Variants in APBB1IP observed in about 807,000 individuals in gnomAD.
APBB1IP encodes amyloid beta precursor protein binding family B member 1 interacting protein.
Under a neutral mutation model 64.9 loss-of-function variants are expected in APBB1IP, and 27 were observed. That is an observed-to-expected ratio of 0.42 (90% CI 0.31 to 0.57). The LOEUF (loss-of-function observed/expected upper bound fraction) is 0.57, where lower values mean the gene tolerates loss of function less well. Among genes scored for constraint, APBB1IP ranks in the 20% least tolerant of loss-of-function variants. The pLI is 0.20. For synonymous variants in APBB1IP, 392 were observed against 331.0 expected, an observed-to-expected ratio of 1.18 and a Z score of -2.00; for missense variants, 812 against 845.5, an observed-to-expected ratio of 0.96 and a Z score of 0.49.
intron 12 of APBB1IP, 57 bp downstream of exon 12, chr10:26,560,260 T>G (rs1422354032): frequency 3.4e-6 from 5 of 1,486,408 alleles, no homozygotes; most frequent in Non-Finnish European, 3.8e-6. Flanking sequence ...CTTCCTGACC[T>G]GGGCACAGCC....
intron 8 of APBB1IP, among the ~76,000 whole-genome samples, chr10:26,518,147 G>A (rs1368953150): frequency 6.6e-6 from 1 of 152,008 alleles, no homozygotes; most frequent in African/African-American, 2.4e-5. Context: ...TACAGGCAGG[G>A]TTTCACCATG....
Position 26,511,924 on chromosome 10 carries a change from C to T in APBB1IP, c.691+18C>T, listed in dbSNP as rs1836266051. 1 of 1,613,444 alleles carries T rather than the reference C, an allele frequency of 6.2e-7. No homozygotes were observed. The highest frequency in any genetic ancestry group is 1.3e-5 in the African/African-American group (1 of 74,924). ...ACAAATTGGTAAGTCCCATCCCCAGCAATGGGCTGTACTCCAAAAACCTTG... is the reference window on the plus strand; with the variant it reads ...ACAAATTGGTAAGTCCCATCCCCAGTAATGGGCTGTACTCCAAAAACCTTG... On this transcript the variant is annotated intron_variant, in intron 7 of 14. Coordinates refer to ENST00000376236, the MANE Select transcript of APBB1IP (RefSeq NM_019043.4).
rs531914666 is a variant in APBB1IP at position 26,550,793 on chromosome 10, T to C, written c.1155+9101T>C. Among the ~76,000 whole-genome samples, 12 of 152,346 alleles carry C rather than the reference T, an allele frequency of 7.9e-5. No homozygotes were observed. In the East Asian group the frequency reaches 2.1e-3, roughly 27 times the overall value. Reference sequence around the variant, plus strand: ...AGGCTATTCTTACTCCTTGTAGACATTGGGCTCTGTCTTTGCATTGTTGAG... The same window carrying C: ...AGGCTATTCTTACTCCTTGTAGACACTGGGCTCTGTCTTTGCATTGTTGAG... On this transcript the variant is annotated intron_variant, in intron 11 of 14. Transcript: ENST00000376236.
At chr10:26,454,924 T>C (rs1835505429) in intron 2 of APBB1IP, among the ~76,000 whole-genome samples, 1 of 152,182 alleles carries the variant, frequency 6.6e-6, no homozygotes, top group African/African-American at 2.4e-5. Context: ...TAACAGGTAT[T>C]GATGAGGATG....
chr10:26,516,802 C>T (rs2132449878), intron 8 of APBB1IP, among the ~76,000 whole-genome samples: 1 of 152,248 alleles, frequency 6.6e-6, no homozygotes, highest in South Asian at 2.1e-4. Context: ...ACTCAGCTTT[C>T]AGCTTACTTT....
At chr10:26,510,740 A>T (rs143479371) in intron 6 of APBB1IP, among the ~76,000 whole-genome samples, 97 of 121,552 alleles carry the variant, frequency 8.0e-4, no homozygotes, top group East Asian at 4.5e-3. Context: ...TGTCTCACAC[A>T]CACACACACA....
At chr10:26,508,560 A>G (rs558961345) in intron 6 of APBB1IP, among the ~76,000 whole-genome samples, 2 of 152,270 alleles carry the variant, frequency 1.3e-5, no homozygotes, top group African/African-American at 4.8e-5. Context: ...ACTTTGCCCC[A>G]TAAATATGAA....
At chr10:26,534,686 C>G (rs140886227) in intron 9 of APBB1IP, among the ~76,000 whole-genome samples, 119 of 152,300 alleles carry the variant, frequency 7.8e-4, no homozygotes, top group African/African-American at 2.5e-3. Context: ...GCTGCCACCC[C>G]CCAGATGCTG....
At chr10:26,534,938 T>C (rs764969580) in intron 9 of APBB1IP, among the ~76,000 whole-genome samples, 1 of 152,026 alleles carries the variant, frequency 6.6e-6, no homozygotes, top group Non-Finnish European at 1.5e-5. Context: ...TGGGGAGAAA[T>C]TGGGGAGTGT....
intron 8 of APBB1IP, among the ~76,000 whole-genome samples, chr10:26,523,705 A>G (rs1836433789): frequency 6.6e-6 from 1 of 152,170 alleles, no homozygotes; most frequent in Non-Finnish European, 1.5e-5. Flanking sequence ...ACAGTGGCTC[A>G]CATCTGCAGT....
chr10:26,516,543 C>A (rs1390156211), intron 8 of APBB1IP, among the ~76,000 whole-genome samples: 84 of 47,146 alleles, frequency 1.8e-3, no homozygotes, highest in African/African-American at 2.6e-3. Flanking sequence ...GACTCCATCT[C>A]AAAAAAAAAA....
At chr10:26,566,451 C>CA (rs1837045368) in intron 14 of APBB1IP, among the ~76,000 whole-genome samples, 1 of 152,168 alleles carries the variant, frequency 6.6e-6, no homozygotes, top group African/African-American at 2.4e-5. Context: ...GAAAAGGTTT[C>CA]ACCATATTGT....
intron 2 of APBB1IP, among the ~76,000 whole-genome samples, chr10:26,469,489 G>A (rs1313001836): frequency 6.6e-6 from 1 of 151,928 alleles, no homozygotes; most frequent in Non-Finnish European, 1.5e-5. Flanking sequence ...AACCTCATGT[G>A]ATCCATCTGC....
chr10:26,524,179 C>A (rs1161981030), intron 8 of APBB1IP, among the ~76,000 whole-genome samples: 2 of 152,068 alleles, frequency 1.3e-5, no homozygotes, highest in Non-Finnish European at 2.9e-5. Flanking sequence ...TTCTTCTCCC[C>A]AAAGCAAGCC....
chr10:26,443,703 TA>T (rs58004519), intron 2 of APBB1IP, among the ~76,000 whole-genome samples: 58,389 of 150,252 alleles, frequency 0.39, 11,489 homozygotes, highest in South Asian at 0.49. Flanking sequence ...CCCAGCTAAT[TA>T]AAAAAAAAAT....
chr10:26,509,238 T>C (rs1836222056), intron 6 of APBB1IP, among the ~76,000 whole-genome samples: 1 of 152,114 alleles, frequency 6.6e-6, no homozygotes, highest in African/African-American at 2.4e-5. Flanking sequence ...AAAATACAAA[T>C]ACAGGGAAAA....
chr10:26,505,384 C>T (rs552331992), intron 6 of APBB1IP, among the ~76,000 whole-genome samples: 1 of 152,160 alleles, frequency 6.6e-6, no homozygotes, highest in African/African-American at 2.4e-5. Context: ...ATTCCACAGT[C>T]CATCATTGGA....
At chr10:26,480,538 A>G (rs1835822438) in intron 2 of APBB1IP, among the ~76,000 whole-genome samples, 1 of 152,126 alleles carries the variant, frequency 6.6e-6, no homozygotes, top group Admixed American at 6.5e-5. Flanking sequence ...ACTGGGAACT[A>G]ACCATTGGAT....
rs199636172 is a variant in APBB1IP at position 26,484,765 on chromosome 10, C to T, written c.1-7562C>T. 2.0e-5 allele frequency among the ~76,000 whole-genome samples: 3 copies of T among 151,812 alleles called. No individual in the cohort carries two copies. The East Asian group carries it at 5.8e-4, about 29-fold the overall frequency. ...TTAGTTTTAAGTGCATCAAATAATCCCTTAATTTAATACCATTCTGCTCAA... is the reference window on the plus strand; with the variant it reads ...TTAGTTTTAAGTGCATCAAATAATCTCTTAATTTAATACCATTCTGCTCAA... On this transcript the variant is annotated intron_variant, in intron 2 of 14. Transcript: ENST00000376236.
Sources: allele counts gnomAD v4.1 joint callset (sites outside exome capture counted in the v4.1 genomes callset), GRCh38; gene constraint gnomAD v4.1.1; transcripts MANE v1.5; gene names NCBI Gene and HGNC (gene_info 2026-07-23, HGNC 2026-07-21).